Variants in TNFRSF21 observed in about 807,000 individuals in gnomAD.
TNFRSF21 encodes the protein tumor necrosis factor receptor superfamily member 21.
Under a neutral mutation model 45.6 loss-of-function variants are expected in TNFRSF21, and 19 were observed. The observed-to-expected ratio is 0.42, with a 90% CI of 0.29 to 0.61. The LOEUF (loss-of-function observed/expected upper bound fraction) is 0.61. Among genes scored for constraint, TNFRSF21 ranks in the 20% least tolerant of loss-of-function variants. TNFRSF21 has a pLI of 0.23. For missense variants in TNFRSF21, 737 were observed against 851.5 expected, an observed-to-expected ratio of 0.87 and a Z score of 1.67; for synonymous variants, 314 against 335.5, an observed-to-expected ratio of 0.94 and a Z score of 0.70.
At chr6:47,297,630 C>T (rs551189117) in intron 1 of TNFRSF21, among the ~76,000 whole-genome samples, 11 of 149,430 alleles carry the variant, frequency 7.4e-5, no homozygotes, top group Non-Finnish European at 1.3e-4. Context: ...TCATGCAATT[C>T]GAGTGCCTCA....
intron 5 of TNFRSF21, 26 bp downstream of exon 5, chr6:47,234,644 T>C: frequency 6.4e-7 from 1 of 1,570,348 alleles, no homozygotes. Flanking sequence ...TAAGTGCGTG[T>C]GTGAGGTCTG....
At chr6:47,304,835 G>A (rs934680353) in intron 1 of TNFRSF21, among the ~76,000 whole-genome samples, 3 of 152,262 alleles carry the variant, frequency 2.0e-5, no homozygotes, top group African/African-American at 7.2e-5. Context: ...ACTTGGGGAA[G>A]ATTCAAACAT....
chr6:47,294,114 G>T (rs1343708686), intron 1 of TNFRSF21, among the ~76,000 whole-genome samples: 2 of 152,166 alleles, frequency 1.3e-5, no homozygotes, highest in African/African-American at 4.8e-5. Flanking sequence ...GGTAGAGGAG[G>T]TTGCTAAAGA....
chr6:47,250,505 G>C (rs577812108), intron 4 of TNFRSF21, among the ~76,000 whole-genome samples: 1 of 152,288 alleles, frequency 6.6e-6, no homozygotes, highest in Non-Finnish European at 1.5e-5. Flanking sequence ...ATAATGAACC[G>C]GCTGTTCTTG....
chr6:47,253,628 C>T (rs1764937463), intron 3 of TNFRSF21, 107 bp from the exon 4 acceptor site: 14 of 1,332,722 alleles, frequency 1.1e-5, no homozygotes, highest in East Asian at 4.7e-5. Context: ...GCTTTCCTAT[C>T]GCTGTATGTC....
intron 3 of TNFRSF21, among the ~76,000 whole-genome samples, chr6:47,259,419 G>C (rs1233000850): frequency 6.6e-6 from 1 of 151,776 alleles, no homozygotes; most frequent in African/African-American, 2.4e-5. Context: ...ACCCAGGCTG[G>C]ACTGGAGTGC....
intron 3 of TNFRSF21, among the ~76,000 whole-genome samples, chr6:47,280,330 A>C (rs2113861820): frequency 6.6e-6 from 1 of 152,326 alleles, no homozygotes; most frequent in South Asian, 2.1e-4. Flanking sequence ...TGCTGGCCAG[A>C]ACTCAATGCA....
chr6:47,286,438 A>G lies in TNFRSF21; in HGVS notation c.254T>C (p.Leu85Pro). 1 of 1,614,230 alleles carries G rather than the reference A, an allele frequency of 6.2e-7. No individual in the cohort carries two copies. Among genetic ancestry groups the G allele is most frequent in the Non-Finnish European group, 8.5e-7 (1 of 1,180,048 alleles). Residue 85 changes from leucine to proline, a missense_variant, in exon 2 of 6, where the codon CTG becomes CCG. Transcript: ENST00000296861. Reference protein sequence around the residue: ...YVSEHCTNTSLRVCSSCPVGT... With the variant: ...YVSEHCTNTSPRVCSSCPVGT... The stretch of plus-strand genomic sequence containing the variant: ...CACAGGGCAACTGCTGCAGACGCGC[A>G]GGCTTGTGTTGGTACAATGCTCAGA...
intron 4 of TNFRSF21, among the ~76,000 whole-genome samples, chr6:47,238,073 T>A (rs573077878): frequency 6.6e-6 from 1 of 152,134 alleles, no homozygotes; most frequent in Non-Finnish European, 1.5e-5. Flanking sequence ...GAAAAAAAGA[T>A]ATATTAACTT....
chr6:47,274,504 A>T (rs1272960080), intron 3 of TNFRSF21, among the ~76,000 whole-genome samples: 1 of 152,228 alleles, frequency 6.6e-6, no homozygotes, highest in African/African-American at 2.4e-5. Flanking sequence ...TGGATTAAAG[A>T]TTTAATGTTA....
At chr6:47,297,343 G>C (rs1762801974) in intron 1 of TNFRSF21, among the ~76,000 whole-genome samples, 1 of 152,170 alleles carries the variant, frequency 6.6e-6, no homozygotes, top group African/African-American at 2.4e-5. Flanking sequence ...TGTTAATACA[G>C]ATAAAGCAGG....
chr6:47,302,112 T>G (rs996551898), intron 1 of TNFRSF21, among the ~76,000 whole-genome samples: 4 of 152,182 alleles, frequency 2.6e-5, no homozygotes, highest in African/African-American at 9.7e-5. Flanking sequence ...CCTTTGCCTT[T>G]TCCTAGTTTA....
intron 2 of TNFRSF21, among the ~76,000 whole-genome samples, chr6:47,285,552 C>T (rs1762632703): frequency 1.3e-5 from 2 of 152,168 alleles, no homozygotes; most frequent in South Asian, 4.1e-4. Flanking sequence ...CTACCTGGGA[C>T]TGACTCCATG....
At chr6:47,278,676 G>A (rs973227951) in intron 3 of TNFRSF21, among the ~76,000 whole-genome samples, 2 of 152,176 alleles carry the variant, frequency 1.3e-5, no homozygotes, top group African/African-American at 4.8e-5. Flanking sequence ...GCCACAAAGA[G>A]TTAAACAGTG....
intron 1 of TNFRSF21, among the ~76,000 whole-genome samples, chr6:47,291,266 T>C (rs1187488984): frequency 2.6e-5 from 4 of 152,204 alleles, no homozygotes; most frequent in African/African-American, 9.6e-5. Flanking sequence ...CATGTGCTGA[T>C]CTTAATTCAA....
At chr6:47,288,102 C>G (rs1434508354) in intron 1 of TNFRSF21, among the ~76,000 whole-genome samples, 1 of 152,198 alleles carries the variant, frequency 6.6e-6, no homozygotes, top group Non-Finnish European at 1.5e-5. Flanking sequence ...AGGTATGCAA[C>G]AACGCTTATA....
Position 47,309,567 on chromosome 6 carries a change from C to A in TNFRSF21, c.-56G>T, listed in dbSNP as rs1249588966. On this transcript the variant is annotated 5_prime_UTR_variant, in exon 1 of 6. Coordinates refer to ENST00000296861, the MANE Select transcript of TNFRSF21 (RefSeq NM_014452.5). ...GGGCGCGCGGGGCAGCTGGAATCGG[C>A]GGCTGCTTCTGCCCAGCGCCGCATC... 1 of 1,388,856 alleles carries A rather than the reference C, an allele frequency of 7.2e-7. No individual in the cohort carries two copies. The allele number at this position is 1,388,856 out of a possible 1,614,324, so 86.0% of individuals were successfully genotyped here. A position where few individuals can be genotyped will look rare whatever the true frequency, so the allele number is the denominator to read the frequency against.
At chr6:47,257,979 C>T (rs1399617923) in intron 3 of TNFRSF21, among the ~76,000 whole-genome samples, 1 of 152,158 alleles carries the variant, frequency 6.6e-6, no homozygotes, top group African/African-American at 2.4e-5. Flanking sequence ...GAATTATTCT[C>T]CTCAGGCATG....
In TNFRSF21 at chr6:47,253,270, C is replaced by T. The variant is rs1764929141; in HGVS notation, c.1495G>A (p.Glu499Lys). ...DVVEKIRGLM[E>K]DTTQLETDKL... Reference sequence around the variant, plus strand: ...GGCTCCATTACCTGGGTGGTGTCTTCCATCAGCCCACGAATCTTCTCCACA... The same window carrying T: ...GGCTCCATTACCTGGGTGGTGTCTTTCATCAGCCCACGAATCTTCTCCACA... The change falls in exon 4 of 6, where the codon GAA becomes AAA. Residue 499 changes from glutamate to lysine, a missense_variant. By Grantham distance (56) the Glu-to-Lys change is moderately conservative. Coordinates refer to ENST00000296861, the MANE Select transcript of TNFRSF21 (RefSeq NM_014452.5). The T allele has an allele frequency of 1.2e-6, 2 of 1,612,946 alleles. No individual in the cohort carries two copies. The highest frequency in any genetic ancestry group is 1.1e-5 in the South Asian group (1 of 90,860).
Sources: gnomAD v4.1 joint callset for allele counts (sites outside exome capture counted in the v4.1 genomes callset) on GRCh38, gnomAD v4.1.1 for gene constraint, MANE v1.5 for transcripts, NCBI Gene and HGNC (gene_info 2026-07-23, HGNC 2026-07-21) for gene names.